RSPRY1: variants seen among roughly 807,000 people sequenced by gnomAD.
The protein encoded by RSPRY1 is RING finger and SPRY domain-containing protein 1.
Under a neutral mutation model 73.1 loss-of-function variants are expected in RSPRY1, and 23 were observed. The observed-to-expected ratio is 0.31, with a 90% CI of 0.23 to 0.45. The LOEUF (loss-of-function observed/expected upper bound fraction) is 0.45. Among genes scored for constraint, RSPRY1 ranks in the 20% least tolerant of loss-of-function variants. The probability of loss-of-function intolerance (pLI) is 1.00; values close to 1 mark genes in which losing one functional copy is unlikely to be tolerated. For missense variants in RSPRY1, 448 were observed against 698.7 expected (o/e 0.64, Z 4.05); for synonymous variants, 226 against 251.4 (o/e 0.90, Z 0.95).
At chr16:57,189,738 C>T (rs888923934) in intron 1 of RSPRY1, among the ~76,000 whole-genome samples, 1 of 151,398 alleles carries the variant, frequency 6.6e-6, no homozygotes, top group African/African-American at 2.4e-5. Context: ...ACTACAGGTG[C>T]GAGCCACCAC....
At chr16:57,213,601 C>T (rs1255891278) in intron 5 of RSPRY1, among the ~76,000 whole-genome samples, 3 of 152,198 alleles carry the variant, frequency 2.0e-5, no homozygotes, top group South Asian at 2.1e-4. Context: ...AGCTCAGCTA[C>T]TTACATCACG....
chr16:57,204,030 G>A lies in RSPRY1; in HGVS notation c.-155-474G>A, dbSNP rs575470352. ...TCATAACTTTTTTTTAACAACAAAC[G>A]TCTGTAATTATTTTATTTAAAACTT... On this transcript the variant is annotated intron_variant, in intron 1 of 14. Transcript: ENST00000394420. Among the ~76,000 whole-genome samples, 42 of 152,014 alleles carry A rather than the reference G, an allele frequency of 2.8e-4. No homozygotes were observed. In the South Asian group the frequency reaches 2.9e-3, roughly 11 times the overall value.
At chr16:57,222,531 C>T (rs2075055215) in intron 10 of RSPRY1, among the ~76,000 whole-genome samples, 1 of 152,188 alleles carries the variant, frequency 6.6e-6, no homozygotes, top group South Asian at 2.1e-4. Context: ...CAAGTCTGTA[C>T]TCCTGTCTGG....
chr16:57,199,913 CT>C (rs1315067392), intron 1 of RSPRY1, among the ~76,000 whole-genome samples: 1,046 of 72,166 alleles, frequency 0.014, 16 homozygotes, highest in East Asian at 0.082. Flanking sequence ...TTTTCTTTTT[CT>C]TTTTTTTTTT....
intron 14 of RSPRY1, among the ~76,000 whole-genome samples, chr16:57,238,368 A>G (rs1445757419): frequency 1.3e-5 from 2 of 152,248 alleles, no homozygotes; most frequent in Non-Finnish European, 2.9e-5. Context: ...GGGAGATGAC[A>G]ACCATACCAC....
chr16:57,225,667 G>A (rs1482122798), intron 10 of RSPRY1, among the ~76,000 whole-genome samples: 3 of 152,164 alleles, frequency 2.0e-5, no homozygotes, highest in African/African-American at 7.2e-5. Context: ...AAAGATAGCA[G>A]TTGTCTGATT....
At chr16:57,189,045 G>C (rs963389919) in intron 1 of RSPRY1, among the ~76,000 whole-genome samples, 20 of 147,056 alleles carry the variant, frequency 1.4e-4, no homozygotes, top group African/African-American at 5.1e-4. Context: ...TCAGGCTGGA[G>C]TGCAATGGCG....
chr16:57,197,927 CA>C (rs2074481593), intron 1 of RSPRY1, among the ~76,000 whole-genome samples: 1 of 128,130 alleles, frequency 7.8e-6, no homozygotes, highest in African/African-American at 2.9e-5. Flanking sequence ...GGTCTTGCTA[CA>C]TTACCCAAGC....
intron 8 of RSPRY1, among the ~76,000 whole-genome samples, chr16:57,217,978 T>A (rs2074967853): frequency 6.6e-6 from 1 of 152,264 alleles, no homozygotes; most frequent in East Asian, 1.9e-4. Flanking sequence ...AATCTAGCAG[T>A]GCTGCCTTTC....
intron 10 of RSPRY1, among the ~76,000 whole-genome samples, 186 bp from the exon 11 acceptor site, chr16:57,227,154 ATT>A (rs1156851860): frequency 5.9e-5 from 9 of 152,348 alleles, no homozygotes; most frequent in African/African-American, 2.2e-4. Context: ...TGGTGAAGTC[ATT>A]ATCTATTCAC....
At chr16:57,191,719 T>C (rs1441395400) in intron 1 of RSPRY1, among the ~76,000 whole-genome samples, 3 of 152,238 alleles carry the variant, frequency 2.0e-5, no homozygotes, top group Non-Finnish European at 2.9e-5. Context: ...TGGCTTATAA[T>C]GTAAGACATA....
intron 1 of RSPRY1, chr16:57,186,944 C>T (rs2074215444): frequency 6.6e-6 from 1 of 152,038 alleles, no homozygotes; most frequent in South Asian, 2.1e-4. Context: ...AGGCATACCT[C>T]CCCGGGGAGA....
At chr16:57,224,504 G>A (rs2075090995) in intron 10 of RSPRY1, 1 of 152,176 alleles carries the variant, frequency 6.6e-6, no homozygotes, top group East Asian at 1.9e-4. Flanking sequence ...GCTAAAATAT[G>A]CATGACCAAA....
rs534073554 is a variant in RSPRY1, at chr16:57,197,317, T to A, written c.-155-7187T>A. Among the ~76,000 whole-genome samples the A allele has an allele frequency of 4.7e-4, 71 of 152,342 alleles. No homozygotes were observed. The South Asian group carries it at 0.014, about 30-fold the overall frequency. On this transcript the variant is annotated intron_variant, in intron 1 of 14. Transcript: ENST00000394420. ...AAAGATCATCTACTTTGTTCATTTATGTGCCCTGTCTGTGGCTGTAGCCCT... is the reference window on the plus strand; with the variant it reads ...AAAGATCATCTACTTTGTTCATTTAAGTGCCCTGTCTGTGGCTGTAGCCCT...
intron 1 of RSPRY1, among the ~76,000 whole-genome samples, chr16:57,202,906 A>C (rs985578926): frequency 5.6e-5 from 8 of 144,086 alleles, no homozygotes; most frequent in Middle Eastern, 3.6e-3. Flanking sequence ...ATATATATAT[A>C]TCTGAAGACT....
chr16:57,208,389 TATA>T (rs1448838171), intron 3 of RSPRY1, among the ~76,000 whole-genome samples: 3 of 106,900 alleles, frequency 2.8e-5, no homozygotes, highest in African/African-American at 1.2e-4. Context: ...TATATATATA[TATA>T]TATATATATT....
chr16:57,197,182 TC>T (rs2074464042), intron 1 of RSPRY1, among the ~76,000 whole-genome samples: 1 of 152,198 alleles, frequency 6.6e-6, no homozygotes, highest in Non-Finnish European at 1.5e-5. Context: ...TGATTAGCTT[TC>T]ACCCAGTCTT....
chr16:57,197,831 T>A (rs1034821450), intron 1 of RSPRY1, among the ~76,000 whole-genome samples: 3 of 152,108 alleles, frequency 2.0e-5, no homozygotes, highest in Admixed American at 6.6e-5. Flanking sequence ...TCAAGTGATC[T>A]TCCCACCTCA....
At chr16:57,207,821 C>T in intron 2 of RSPRY1, 1 of 535,230 alleles carries the variant, frequency 1.9e-6, no homozygotes, top group East Asian at 3.8e-5. Context: ...TAGTCTTTGT[C>T]TGTATCCACC....
Sources: allele counts gnomAD v4.1 joint callset (sites outside exome capture counted in the v4.1 genomes callset), GRCh38; gene constraint gnomAD v4.1.1; transcripts MANE v1.5; gene names NCBI Gene and HGNC (gene_info 2026-07-23, HGNC 2026-07-21).